The following ROBO2 variants were observed in gnomAD, a reference collection of about 807,000 sequenced individuals.
ROBO2 encodes the protein roundabout homolog 2.
A neutral mutation model predicts 160.8 loss-of-function variants in ROBO2; 53 were observed. That is an observed-to-expected ratio of 0.33 (90% CI 0.26 to 0.41). The LOEUF is 0.41. ROBO2 is among the 10% of genes least tolerant of loss of function. The pLI, the probability that ROBO2 is intolerant of heterozygous loss-of-function variation, is 1.00. For synonymous variants in ROBO2, 664 were observed against 611.7 expected (o/e 1.09, Z -1.26); for missense variants, 1,577 against 1,722.4 (o/e 0.92, Z 1.49).
chr3:76,161,797 CCT>C (rs977808567), intron 2 of ROBO2, among the ~76,000 whole-genome samples: 1 of 152,146 alleles, frequency 6.6e-6, no homozygotes, highest in African/African-American at 2.4e-5. Context: ...CTTTTACCTG[CCT>C]CTGTCTCTCC....
intron 9 of ROBO2, among the ~76,000 whole-genome samples, chr3:77,558,638 T>G (rs541636844): frequency 1.2e-3 from 177 of 152,154 alleles, no homozygotes; most frequent in South Asian, 3.7e-3. Context: ...GTTAAGTTGT[T>G]GTGTAGTTTA....
intron 2 of ROBO2, among the ~76,000 whole-genome samples, chr3:76,890,648 G>A (rs899912089): frequency 2.6e-5 from 4 of 152,034 alleles, no homozygotes; most frequent in African/African-American, 9.7e-5. Flanking sequence ...TTTTTCTATC[G>A]TATTTTATCT....
intron 2 of ROBO2, among the ~76,000 whole-genome samples, chr3:76,261,474 A>C (rs2107595857): frequency 6.6e-6 from 1 of 152,036 alleles, no homozygotes; most frequent in South Asian, 2.1e-4. Context: ...CAGAGTTTAA[A>C]GTTATGTTCA....
intron 2 of ROBO2, among the ~76,000 whole-genome samples, chr3:77,117,112 A>T (rs1453816207): frequency 2.0e-5 from 3 of 152,178 alleles, no homozygotes; most frequent in African/African-American, 7.2e-5. Flanking sequence ...TGGAATAAGA[A>T]CTGACTTGCA....
intron 1 of ROBO2, among the ~76,000 whole-genome samples, chr3:75,937,131 T>G: frequency 6.6e-6 from 1 of 152,156 alleles, no homozygotes; most frequent in Non-Finnish European, 1.5e-5. Context: ...TGCCTAAATA[T>G]CAAGTTATAC....
chr3:76,836,551 C>T (rs1028724006), intron 2 of ROBO2, among the ~76,000 whole-genome samples: 27 of 150,092 alleles, frequency 1.8e-4, no homozygotes, highest in African/African-American at 6.6e-4. Flanking sequence ...ATTCTATTTT[C>T]ACTTTTATTT....
At chr3:76,750,878 A>T (rs1407086787) in intron 2 of ROBO2, among the ~76,000 whole-genome samples, 1 of 152,126 alleles carries the variant, frequency 6.6e-6, no homozygotes, top group Admixed American at 6.6e-5. Flanking sequence ...GCCAAAGGTA[A>T]TTTATAGATT....
At chr3:76,142,760 A>C (rs942535787) in intron 2 of ROBO2, among the ~76,000 whole-genome samples, 3 of 151,958 alleles carry the variant, frequency 2.0e-5, no homozygotes, top group Non-Finnish European at 4.4e-5. Context: ...GGGTGACTAT[A>C]GTCAGTAATA....
intron 2 of ROBO2, among the ~76,000 whole-genome samples, chr3:77,227,172 A>T (rs2086598422): frequency 6.6e-6 from 1 of 152,118 alleles, no homozygotes. Flanking sequence ...TTTTCTTAGT[A>T]GTTAAGTTGT....
chr3:76,285,018 A>G (rs993411591), intron 2 of ROBO2, among the ~76,000 whole-genome samples: 2 of 152,162 alleles, frequency 1.3e-5, no homozygotes, highest in African/African-American at 4.8e-5. Flanking sequence ...CTTTCTGCCC[A>G]CTTATGCTGG....
intron 1 of ROBO2, among the ~76,000 whole-genome samples, chr3:77,085,579 C>T (rs1443488575): frequency 1.3e-5 from 2 of 151,846 alleles, no homozygotes; most frequent in Non-Finnish European, 2.9e-5. Context: ...AGCCATAAGC[C>T]CGAGTTGTAT....
intron 2 of ROBO2, among the ~76,000 whole-genome samples, chr3:76,570,575 A>G (rs540534116): frequency 6.6e-6 from 1 of 152,338 alleles, no homozygotes; most frequent in South Asian, 2.1e-4. Context: ...AAGCTTTTTA[A>G]GGAATTTTTA....
intron 2 of ROBO2, among the ~76,000 whole-genome samples, chr3:76,924,048 C>T (rs767858252): frequency 5.9e-5 from 9 of 152,124 alleles, no homozygotes; most frequent in Non-Finnish European, 1.3e-4. Context: ...TTCCACTTCT[C>T]CGTGAATAAA....
chr3:76,235,322 T>C (rs1331804825), intron 2 of ROBO2, among the ~76,000 whole-genome samples: 1 of 151,806 alleles, frequency 6.6e-6, no homozygotes, highest in Non-Finnish European at 1.5e-5. Context: ...CATGTGAAGG[T>C]AGAGATAGAG....
At chr3:76,160,214 C>G (rs1217608004) in intron 2 of ROBO2, among the ~76,000 whole-genome samples, 5 of 152,084 alleles carry the variant, frequency 3.3e-5, no homozygotes, top group African/African-American at 1.2e-4. Flanking sequence ...ACTTTCGTCT[C>G]TCGGTAGCCA....
chr3:76,818,060 T>G (rs2065838104), intron 2 of ROBO2, among the ~76,000 whole-genome samples: 2 of 152,096 alleles, frequency 1.3e-5, no homozygotes, highest in Admixed American at 1.3e-4. Flanking sequence ...TTTTTAGTTC[T>G]TTAAGGAATC....
intron 2 of ROBO2, among the ~76,000 whole-genome samples, chr3:77,432,476 T>C (rs777248271): frequency 3.9e-5 from 6 of 152,154 alleles, no homozygotes; most frequent in Non-Finnish European, 5.9e-5. Context: ...GCATCTGAAG[T>C]CTCTGAAGGG....
chr3:76,685,091 AAG>A (rs1445892678), intron 2 of ROBO2, among the ~76,000 whole-genome samples: 2 of 152,052 alleles, frequency 1.3e-5, no homozygotes, highest in East Asian at 3.9e-4. Flanking sequence ...GAACAATCAC[AAG>A]AGTTAATTGG....
chr3:77,469,187 G>A (rs887295700), intron 2 of ROBO2, among the ~76,000 whole-genome samples: 9 of 152,100 alleles, frequency 5.9e-5, no homozygotes, highest in African/African-American at 2.2e-4. Context: ...AACTTACACT[G>A]GCTTAAATAT....
Sources: gnomAD v4.1 joint callset for allele counts (sites outside exome capture counted in the v4.1 genomes callset) on GRCh38, gnomAD v4.1.1 for gene constraint, MANE v1.5 for transcripts, NCBI Gene and HGNC (gene_info 2026-07-23, HGNC 2026-07-21) for gene names.